TMCO5A: variants seen among roughly 807,000 people sequenced by gnomAD.
The protein encoded by TMCO5A is transmembrane and coiled-coil domain-containing protein 5A.
In TMCO5A, 34 loss-of-function variants were observed where a neutral mutation model predicts 42.3. That is an observed-to-expected ratio of 0.80 (90% CI 0.61 to 1.07). TMCO5A has a LOEUF of 1.07. Ranked by LOEUF, TMCO5A falls within the 50% of genes least tolerant of loss-of-function variation. TMCO5A has a pLI of 0.00. For missense variants in TMCO5A, 357 were observed against 327.9 expected, an observed-to-expected ratio of 1.09 and a Z score of -0.69; for synonymous variants, 131 against 115.6, an observed-to-expected ratio of 1.13 and a Z score of -0.86.
chr15:37,989,850 A>C, the TMCO5A span, among the ~76,000 whole-genome samples: 2 of 152,078 alleles, frequency 1.3e-5, no homozygotes, highest in East Asian at 3.9e-4. Context: ...ATAGGAGCAG[A>C]AGAAAACCCA....
the TMCO5A span, chr15:38,020,309 A>G: frequency 2.0e-5 from 3 of 152,170 alleles, no homozygotes; most frequent in African/African-American, 7.2e-5. Flanking sequence ...AAAGGGAAAA[A>G]CTGTGAGGTA....
chr15:37,970,515 C>T (rs546726001), downstream of TMCO5A, among the ~76,000 whole-genome samples: 2 of 152,304 alleles, frequency 1.3e-5, no homozygotes, highest in Non-Finnish European at 2.9e-5. Context: ...TATTTCCTCA[C>T]ATTTTAAAAC....
chr15:37,941,346 AG>A, intron 7 of TMCO5A, 141 bp downstream of exon 7: 1 of 830,264 alleles, frequency 1.2e-6, no homozygotes, highest in Non-Finnish European at 1.9e-6. Flanking sequence ...GGTAAAGAAA[AG>A]GAAGATAAGC....
downstream of TMCO5A, among the ~76,000 whole-genome samples, chr15:37,952,507 C>A (rs1890185627): frequency 6.6e-6 from 1 of 152,092 alleles, no homozygotes; most frequent in South Asian, 2.1e-4. Flanking sequence ...GGACTCAGTC[C>A]TGGAAGGACA....
chr15:37,937,089 C>G, intron 4 of TMCO5A, 119 bp downstream of exon 4: 1 of 1,460,436 alleles, frequency 6.8e-7, no homozygotes, highest in Non-Finnish European at 9.2e-7. Context: ...TCTCAAAAGT[C>G]ATGATAAAAT....
chr15:37,995,115 C>T, the TMCO5A span, among the ~76,000 whole-genome samples: 32 of 152,200 alleles, frequency 2.1e-4, no homozygotes, highest in East Asian at 3.5e-3. Flanking sequence ...GCCCTCCCTA[C>T]GCCCACATAC....
At chr15:38,017,355 G>A in the TMCO5A span, among the ~76,000 whole-genome samples, 5 of 152,042 alleles carry the variant, frequency 3.3e-5, no homozygotes, top group Non-Finnish European at 5.9e-5. Context: ...AAGCAGGAGT[G>A]GGTCATGGAA....
downstream of TMCO5A, among the ~76,000 whole-genome samples, chr15:37,970,586 T>C (rs1456085006): frequency 6.6e-6 from 1 of 152,206 alleles, no homozygotes; most frequent in East Asian, 1.9e-4. Flanking sequence ...AACTCAAAAG[T>C]CCACAGTCCA....
chr15:38,014,425 T>G, the TMCO5A span, among the ~76,000 whole-genome samples: 2,254 of 152,232 alleles, frequency 0.015, 46 homozygotes, highest in African/African-American at 0.051. Flanking sequence ...GAAAATTTTG[T>G]TTCCTCAACT....
chr15:38,021,171 T>A, the TMCO5A span, among the ~76,000 whole-genome samples: 1 of 152,152 alleles, frequency 6.6e-6, no homozygotes, highest in Non-Finnish European at 1.5e-5. Context: ...CAGACTAAGA[T>A]CCCTGACTCA....
In TMCO5A at chr15:37,937,335, C is replaced by T; in HGVS notation, c.265-11C>T. Reference sequence around the variant, plus strand: ...CAGAGGCAGATTTACACTGTTATTTCTCTCTCACAGGAAAGGAAGAATAAG... The same window carrying T: ...CAGAGGCAGATTTACACTGTTATTTTTCTCTCACAGGAAAGGAAGAATAAG... On this transcript the variant is annotated splice_polypyrimidine_tract_variant and intron_variant, in intron 4 of 11. Transcript: ENST00000319669. 6.2e-7 allele frequency: 1 copy of T among 1,612,900 alleles called. No homozygotes were observed. Among genetic ancestry groups the T allele is most frequent in the Non-Finnish European group, 8.5e-7 (1 of 1,179,232 alleles).
At chr15:37,997,913 T>G in the TMCO5A span, among the ~76,000 whole-genome samples, 1 of 152,168 alleles carries the variant, frequency 6.6e-6, no homozygotes, top group Non-Finnish European at 1.5e-5. Flanking sequence ...GAGATTATAT[T>G]TCATCGTAAT....
At chr15:38,026,703 A>C in the TMCO5A span, among the ~76,000 whole-genome samples, 1 of 152,214 alleles carries the variant, frequency 6.6e-6, no homozygotes, top group Admixed American at 6.5e-5. Context: ...CCCTGCCATC[A>C]CAGGCCTGGA....
At chr15:37,974,261 A>G in the TMCO5A span, among the ~76,000 whole-genome samples, 5 of 152,220 alleles carry the variant, frequency 3.3e-5, no homozygotes, top group Admixed American at 6.5e-5. Flanking sequence ...TATCAGGAAG[A>G]TGCTGGCCTC....
chr15:37,970,233 G>A (rs1890648429), downstream of TMCO5A, among the ~76,000 whole-genome samples: 1 of 152,202 alleles, frequency 6.6e-6, no homozygotes, highest in Non-Finnish European at 1.5e-5. Flanking sequence ...TGCATGGCTA[G>A]GGAGGCCTCA....
chr15:37,948,591 A>G (rs9302321), intron 11 of TMCO5A, among the ~76,000 whole-genome samples: 42,285 of 151,980 alleles, frequency 0.28, 6,776 homozygotes, highest in African/African-American at 0.42. Flanking sequence ...AAGGGCCCAC[A>G]ATGGAATTGA....
the TMCO5A span, among the ~76,000 whole-genome samples, chr15:38,014,853 TTATATATATATATATATATA>T: frequency 0.37 from 20,087 of 54,882 alleles, 2,628 homozygotes; most frequent in Middle Eastern, 0.51. Context: ...AGGAGAAAGA[TTATATATATATATATATATA>T]TATATATATA....
the TMCO5A span, among the ~76,000 whole-genome samples, chr15:38,001,877 T>G: frequency 3.9e-5 from 6 of 152,108 alleles, no homozygotes; most frequent in East Asian, 1.2e-3. Context: ...TTGTCTGTGT[T>G]TTGAAAAATT....
chr15:38,036,469 TTCTC>T, the TMCO5A span, among the ~76,000 whole-genome samples: 3 of 138,436 alleles, frequency 2.2e-5, no homozygotes, highest in Non-Finnish European at 3.0e-5. Flanking sequence ...CCCAGAGTCT[TTCTC>T]TCTGTTTTTG....
Sources: allele counts gnomAD v4.1 joint callset (sites outside exome capture counted in the v4.1 genomes callset), GRCh38; gene constraint gnomAD v4.1.1; transcripts MANE v1.5; gene names NCBI Gene and HGNC (gene_info 2026-07-23, HGNC 2026-07-21).